HNRNPM: variants seen among roughly 807,000 people sequenced by gnomAD.
The protein encoded by HNRNPM is CEA receptor.
A neutral mutation model predicts 73.1 loss-of-function variants in HNRNPM; 11 were observed. That is an observed-to-expected ratio of 0.15 (90% CI 0.09 to 0.25). HNRNPM has a LOEUF of 0.25. HNRNPM is among the 10% of genes least tolerant of loss of function. The pLI is 1.00. For synonymous variants in HNRNPM, 407 were observed against 355.2 expected, an observed-to-expected ratio of 1.15 and a Z score of -1.64; for missense variants, 789 against 1,067.9, an observed-to-expected ratio of 0.74 and a Z score of 3.64.
At chr19:8,488,527 CAGA>C (rs1421881575) in intron 15 of HNRNPM, 161 bp from the exon 16 acceptor site, 4 of 548,876 alleles carry the variant, frequency 7.3e-6, no homozygotes, top group African/African-American at 1.9e-5. Flanking sequence ...GCTCTGTTAG[CAGA>C]AGAATGGCAG....
intron 1 of HNRNPM, 71 bp from the exon 2 acceptor site, chr19:8,455,334 T>C: frequency 7.5e-7 from 1 of 1,333,518 alleles, no homozygotes; most frequent in Non-Finnish European, 1.0e-6. Flanking sequence ...ACCTGGCAAA[T>C]CAAATAATTA....
chr19:8,461,894 G>A (rs1033320827), intron 2 of HNRNPM: 2 of 152,408 alleles, frequency 1.3e-5, no homozygotes, highest in African/African-American at 4.8e-5. Context: ...TAGAATTTGT[G>A]GGGCCCAACA....
chr19:8,450,051 A>G (rs1968496832), intron 1 of HNRNPM, among the ~76,000 whole-genome samples: 1 of 152,232 alleles, frequency 6.6e-6, no homozygotes, highest in Non-Finnish European at 1.5e-5. Context: ...CGCTAGAGAC[A>G]GAAAGAGCTT....
intron 12 of HNRNPM, 32 bp downstream of exon 12, chr19:8,474,276 C>T (rs1286907443): frequency 1.3e-6 from 2 of 1,502,302 alleles, no homozygotes; most frequent in East Asian, 2.5e-5. Context: ...TGCTTTCACT[C>T]ACCCTTTGCC....
intron 2 of HNRNPM, among the ~76,000 whole-genome samples, chr19:8,461,784 T>C (rs1049242777): frequency 6.6e-6 from 1 of 152,192 alleles, no homozygotes; most frequent in African/African-American, 2.4e-5. Context: ...CCTAATTCAC[T>C]GAAGAGAATC....
At chr19:8,485,214 C>T (rs763766448) in intron 13 of HNRNPM, among the ~76,000 whole-genome samples, 5 of 151,994 alleles carry the variant, frequency 3.3e-5, no homozygotes, top group Non-Finnish European at 7.4e-5. Flanking sequence ...CCTGGGTGGC[C>T]CCCCGAGTGG....
In HNRNPM at chr19:8,486,190, A is replaced by C; in HGVS notation, c.1762A>C (p.Ser588Arg). 1 of 1,583,040 alleles carries C rather than the reference A, an allele frequency of 6.3e-7. No individual in the cohort carries two copies. The highest frequency in any genetic ancestry group is 8.6e-7 in the Non-Finnish European group (1 of 1,163,578). ...GGGCCTGGAGCGCATGGGTGCCAACAGCCTCGAGCGCATGGGCCCTGCCAT... is the reference window on the plus strand; with the variant it reads ...GGGCCTGGAGCGCATGGGTGCCAACCGCCTCGAGCGCATGGGCCCTGCCAT... Reference protein sequence around the residue: ...RMGLERMGANSLERMGPAMGP... With the variant: ...RMGLERMGANRLERMGPAMGP... The change falls in exon 14 of 16, where the codon AGC becomes CGC. Residue 588 changes from serine (S) to arginine (R), a missense_variant. Physicochemically the swap from Ser to Arg is moderately radical, Grantham distance 110. This residue lies in a region of HNRNPM where 604 missense variants were observed against 744.0 expected (regional missense o/e 0.81). Transcript: ENST00000325495.
intron 13 of HNRNPM, 125 bp downstream of exon 13, chr19:8,483,336 C>G: frequency 1.4e-6 from 1 of 717,308 alleles, no homozygotes; most frequent in Non-Finnish European, 2.5e-6. Context: ...GCAGCTCTGC[C>G]TTTTTCTAGC....
At chr19:8,467,251 A>G (rs910738317) in intron 7 of HNRNPM, among the ~76,000 whole-genome samples, 3 of 152,190 alleles carry the variant, frequency 2.0e-5, no homozygotes, top group Non-Finnish European at 2.9e-5. Flanking sequence ...GGTCACATTC[A>G]GAGAACCTTG....
rs561325562 is a variant in HNRNPM, at chr19:8,473,811, G to T, written c.1042+103G>T. The T allele has an allele frequency of 1.4e-4, 111 of 792,884 alleles. No homozygotes were observed. In the African/African-American group the frequency reaches 1.8e-3, roughly 13 times the overall value. The allele number at this position is 792,884 out of a possible 1,614,324, so 49.1% of individuals were successfully genotyped here. Reference sequence around the variant, plus strand: ...TAAACCCTGCATGAAATTCTCTTTGGTTTCAGTTTGAGTCTAGAAATGACT... The same window carrying T: ...TAAACCCTGCATGAAATTCTCTTTGTTTTCAGTTTGAGTCTAGAAATGACT... On this transcript the variant is annotated intron_variant, in intron 11 of 15. Transcript: ENST00000325495.
chr19:8,477,464 C>T (rs528218329), intron 12 of HNRNPM, among the ~76,000 whole-genome samples: 20 of 152,066 alleles, frequency 1.3e-4, no homozygotes, highest in Non-Finnish European at 2.8e-4. Context: ...TCAAGACCAG[C>T]CAGGGCAACA....
chr19:8,475,632 G>A (rs1425611254), intron 12 of HNRNPM, among the ~76,000 whole-genome samples: 5 of 152,210 alleles, frequency 3.3e-5, no homozygotes, highest in African/African-American at 1.2e-4. Flanking sequence ...GTAAAAGGAT[G>A]TAGGAAAGTT....
At chr19:8,463,325 G>T (rs914292092) in intron 3 of HNRNPM, among the ~76,000 whole-genome samples, 172 bp from the exon 4 acceptor site, 2 of 152,178 alleles carry the variant, frequency 1.3e-5, no homozygotes, top group Admixed American at 6.5e-5. Context: ...CAAGGAAGGC[G>T]AGGCGAGGCA....
At chr19:8,469,633 T>C (rs1969994044) in intron 9 of HNRNPM, among the ~76,000 whole-genome samples, 1 of 152,160 alleles carries the variant, frequency 6.6e-6, no homozygotes, top group Non-Finnish European at 1.5e-5. Context: ...TGCAGAGTCA[T>C]AGATAAGCCA....
At position 8,462,352 on chromosome 19, in the gene HNRNPM, C is replaced by T; in HGVS notation, c.284-177C>T. ...GGACATATTGTTAACGTGTTTTCACCTACTTTTACTGCACACCTGTAATGC... is the reference window on the plus strand; with the variant it reads ...GGACATATTGTTAACGTGTTTTCACTTACTTTTACTGCACACCTGTAATGC... On this transcript the variant is annotated intron_variant, in intron 2 of 15. Coordinates refer to ENST00000325495, the MANE Select transcript of HNRNPM (RefSeq NM_005968.5). The surrounding 1 kb of genome is among the most constrained non-coding windows in gnomAD (Gnocchi z 4.5). The T allele has an allele frequency of 1.7e-6, 1 of 596,486 alleles. No individual in the cohort carries two copies. Among genetic ancestry groups the T allele is most frequent in the South Asian group, 2.2e-5 (1 of 45,778 alleles). The allele number at this position is 596,486 out of a possible 1,614,324, so 36.9% of individuals were successfully genotyped here.
Position 8,465,320 on chromosome 19 carries a change from T to G in HNRNPM, c.439-4T>G. 2 of 1,598,892 alleles carry G rather than the reference T, an allele frequency of 1.3e-6. No homozygotes were observed. The highest frequency in any genetic ancestry group is 1.7e-6 in the Non-Finnish European group (2 of 1,172,554). ...AAACGTAACACCTTTTGTGCTTGTT[T>G]TAGGATCCTGATGGTGAACATGCCA... is the stretch of plus-strand genomic sequence containing the variant. On this transcript the variant is annotated splice_polypyrimidine_tract_variant and splice_region_variant and intron_variant, in intron 5 of 15. Coordinates refer to ENST00000325495, the MANE Select transcript of HNRNPM (RefSeq NM_005968.5).
At chr19:8,447,626 T>C (rs929532742) in intron 1 of HNRNPM, among the ~76,000 whole-genome samples, 4 of 152,114 alleles carry the variant, frequency 2.6e-5, no homozygotes, top group Non-Finnish European at 2.9e-5. Flanking sequence ...GGCTCACACC[T>C]GTAATCCCAG....
At chr19:8,478,294 T>C (rs1202083325) in intron 12 of HNRNPM, among the ~76,000 whole-genome samples, 1 of 152,248 alleles carries the variant, frequency 6.6e-6, no homozygotes, top group African/African-American at 2.4e-5. Context: ...TTAAACATGC[T>C]GACTTGGTGG....
At chr19:8,488,516 G>A (rs1599870) in intron 15 of HNRNPM, 175 bp from the exon 16 acceptor site, 144,583 of 522,872 alleles carry the variant, frequency 0.28, 22,424 homozygotes, top group East Asian at 0.48. Context: ...GGCAGGGGCA[G>A]GCTCTGTTAG....
Sources: allele counts gnomAD v4.1 joint callset (sites outside exome capture counted in the v4.1 genomes callset), GRCh38; gene constraint gnomAD v4.1.1; regional missense constraint gnomAD v4.1.1; non-coding constraint Gnocchi (gnomAD v3.1); transcripts MANE v1.5; gene names NCBI Gene and HGNC (gene_info 2026-07-23, HGNC 2026-07-21).